Variants in AGBL4 observed in about 807,000 individuals in gnomAD.
The protein encoded by AGBL4 is cytosolic carboxypeptidase 6.
A neutral mutation model predicts 66.4 loss-of-function variants in AGBL4; 58 were observed. The observed-to-expected ratio is 0.87, with a 90% CI of 0.71 to 1.09. The LOEUF (loss-of-function observed/expected upper bound fraction) is 1.09. Ranked by LOEUF, AGBL4 falls within the 50% of genes least tolerant of loss-of-function variation. The pLI is 0.00. For missense variants in AGBL4, 579 were observed against 631.0 expected, an observed-to-expected ratio of 0.92 and a Z score of 0.88; for synonymous variants, 234 against 222.9, an observed-to-expected ratio of 1.05 and a Z score of -0.44.
At chr1:48,683,628 G>GC in intron 6 of AGBL4, among the ~76,000 whole-genome samples, 1 of 152,184 alleles carries the variant, frequency 6.6e-6, no homozygotes, top group Non-Finnish European at 1.5e-5. Flanking sequence ...GTAAGGCTGG[G>GC]CCTCAAAGAG....
chr1:48,887,015 C>T (rs1200431520), intron 5 of AGBL4, among the ~76,000 whole-genome samples: 1 of 152,108 alleles, frequency 6.6e-6, no homozygotes, highest in Admixed American at 6.5e-5. Flanking sequence ...TGAAGTCTAA[C>T]TGGGGGCATC....
In AGBL4 at chr1:49,760,283, TA is replaced by T. The variant is rs1422348222; in HGVS notation, c.158-62847del. On this transcript the variant is annotated intron_variant, in intron 2 of 13. Transcript: ENST00000371839. ...TGATGATAGTTTCTTTTGCTGTGCATAAGATCTTTAGTTTAATTAGATGCCA... is the reference window on the plus strand; with the variant it reads ...TGATGATAGTTTCTTTTGCTGTGCATAGATCTTTAGTTTAATTAGATGCCA... Among the ~76,000 whole-genome samples the T allele has an allele frequency of 2.6e-5, 4 of 152,166 alleles. 1 individual carries two copies. Among genetic ancestry groups the T allele is most frequent in the Non-Finnish European group, 5.9e-5 (4 of 68,020 alleles).
chr1:49,957,415 G>T lies in AGBL4; in HGVS notation c.34+66348C>A, dbSNP rs1318959620. Among the ~76,000 whole-genome samples, 3 of 151,858 alleles carry T rather than the reference G, an allele frequency of 2.0e-5. No individual in the cohort carries two copies. The East Asian group carries it at 5.8e-4, about 29-fold the overall frequency. On this transcript the variant is annotated intron_variant, in intron 1 of 13. Transcript: ENST00000371839. Reference sequence around the variant, plus strand: ...CTGAGTTCAATTCCTGGGTATCCTTGTTAACTTTCTGTCTCGTTGATCTGT... The same window carrying T: ...CTGAGTTCAATTCCTGGGTATCCTTTTTAACTTTCTGTCTCGTTGATCTGT...
At chr1:49,314,409 G>A (rs1645000539) in intron 3 of AGBL4, among the ~76,000 whole-genome samples, 1 of 151,968 alleles carries the variant, frequency 6.6e-6, no homozygotes, top group South Asian at 2.1e-4. Flanking sequence ...AGGCCATGGT[G>A]TGTGATGTTC....
intron 5 of AGBL4, among the ~76,000 whole-genome samples, chr1:48,946,087 G>A (rs773272310): frequency 6.6e-6 from 1 of 152,072 alleles, no homozygotes; most frequent in Non-Finnish European, 1.5e-5. Flanking sequence ...TTGAAATTGA[G>A]CCTTCCATGT....
intron 1 of AGBL4, among the ~76,000 whole-genome samples, chr1:50,004,136 GAA>G (rs1660963080): frequency 6.6e-6 from 1 of 152,188 alleles, no homozygotes; most frequent in Non-Finnish European, 1.5e-5. Flanking sequence ...GAGGGAGAAA[GAA>G]ATGCAGTGAT....
chr1:48,918,133 G>A (rs1026577167), intron 5 of AGBL4, among the ~76,000 whole-genome samples: 10 of 152,204 alleles, frequency 6.6e-5, no homozygotes, highest in African/African-American at 1.4e-4. Context: ...TGGCGCAGCC[G>A]GGGCACTGCC....
intron 2 of AGBL4, among the ~76,000 whole-genome samples, chr1:49,837,113 C>T (rs80111918): frequency 6.6e-6 from 1 of 152,208 alleles, no homozygotes; most frequent in Non-Finnish European, 1.5e-5. Flanking sequence ...ATCTTCAGAG[C>T]CTGCAAGCAG....
intron 2 of AGBL4, among the ~76,000 whole-genome samples, chr1:49,798,644 T>C (rs1343495716): frequency 3.3e-5 from 5 of 152,202 alleles, no homozygotes; most frequent in Non-Finnish European, 7.4e-5. Context: ...TTAAGTTCCT[T>C]TTATTTAAGT....
chr1:49,148,111 T>C (rs1471228592), intron 4 of AGBL4, among the ~76,000 whole-genome samples: 1 of 152,186 alleles, frequency 6.6e-6, no homozygotes, highest in Non-Finnish European at 1.5e-5. Context: ...CTTCATATCA[T>C]CAATGGAGAT....
rs550789940 is a variant in AGBL4, at chr1:49,146,147, A to G, written c.377+99623T>C. ...GTTAGGGAGGAAGTAGGGACAGTCA[A>G]TGGGTACAAAAAACAAATTGAATAA... On this transcript the variant is annotated intron_variant, in intron 4 of 13. Transcript: ENST00000371839. Among the ~76,000 whole-genome samples the G allele has an allele frequency of 1.5e-3, 223 of 152,290 alleles. 1 individual carries two copies. The highest frequency in any genetic ancestry group is 5.2e-3 in the African/African-American group (218 of 41,572).
At chr1:48,980,728 T>C (rs1659689482) in intron 5 of AGBL4, among the ~76,000 whole-genome samples, 1 of 584 alleles carries the variant, frequency 1.7e-3, no homozygotes, top group Admixed American at 0.019. Context: ...AATATATATA[T>C]ATATATATAT....
chr1:48,949,494 T>C (rs1267040347), intron 5 of AGBL4, among the ~76,000 whole-genome samples: 12 of 152,150 alleles, frequency 7.9e-5, no homozygotes, highest in Admixed American at 3.9e-4. Context: ...CTAGGAAGAA[T>C]GGGACACATT....
intron 5 of AGBL4, among the ~76,000 whole-genome samples, chr1:49,011,293 C>G (rs1662384257): frequency 6.6e-6 from 1 of 152,158 alleles, no homozygotes; most frequent in Non-Finnish European, 1.5e-5. Context: ...CTCACCATCA[C>G]TGGCCATCAG....
intron 4 of AGBL4, among the ~76,000 whole-genome samples, chr1:49,218,286 C>A (rs1380281554): frequency 6.6e-6 from 1 of 152,056 alleles, no homozygotes; most frequent in Non-Finnish European, 1.5e-5. Context: ...CAAATGTGGG[C>A]TTAACCCTGG....
intron 6 of AGBL4, among the ~76,000 whole-genome samples, chr1:48,673,054 A>G (rs1646303172): frequency 6.6e-6 from 1 of 152,134 alleles, no homozygotes; most frequent in East Asian, 1.9e-4. Flanking sequence ...AACCTTCTCT[A>G]TCTCAGGAGA....
At chr1:48,642,023 G>A (rs1040364117) in intron 8 of AGBL4, among the ~76,000 whole-genome samples, 2 of 152,082 alleles carry the variant, frequency 1.3e-5, no homozygotes, top group African/African-American at 4.8e-5. Flanking sequence ...TTGCAATCAG[G>A]TGCCATTTCT....
chr1:49,872,213 AT>A (rs1308514057), intron 1 of AGBL4, among the ~76,000 whole-genome samples: 10 of 152,038 alleles, frequency 6.6e-5, no homozygotes, highest in African/African-American at 2.4e-4. Flanking sequence ...CATGAGCAAA[AT>A]TTAAAAGATG....
chr1:48,762,656 G>GTGCGTGTGTA (rs1553227964), intron 6 of AGBL4, among the ~76,000 whole-genome samples: 5 of 138,636 alleles, frequency 3.6e-5, no homozygotes, highest in African/African-American at 1.3e-4. Flanking sequence ...GTGTGTGTGT[G>GTGCGTGTGTA]TGTATGTATT....
Sources: allele counts gnomAD v4.1 joint callset (sites outside exome capture counted in the v4.1 genomes callset), GRCh38; gene constraint gnomAD v4.1.1; transcripts MANE v1.5; gene names NCBI Gene and HGNC (gene_info 2026-07-23, HGNC 2026-07-21).